Variants in ANTXR1 observed in about 807,000 individuals in gnomAD.
ANTXR1 encodes the protein ANTXR cell adhesion molecule 1, also known as anthrax toxin receptor 1.
ANTXR1 carries 19 observed loss-of-function variants against 78.1 expected under a neutral mutation model. That is an observed-to-expected ratio of 0.24 (90% CI 0.17 to 0.36). ANTXR1 has a LOEUF of 0.36. Among genes scored for constraint, ANTXR1 ranks in the 10% least tolerant of loss-of-function variants. The probability of loss-of-function intolerance (pLI) is 1.00; values close to 1 mark genes in which losing one functional copy is unlikely to be tolerated. For synonymous variants in ANTXR1, 273 were observed against 260.5 expected (o/e 1.05, Z -0.46); for missense variants, 518 against 718.6 (o/e 0.72, Z 3.19).
intron 3 of ANTXR1, among the ~76,000 whole-genome samples, chr2:69,069,303 T>C (rs558562443): frequency 9.0e-4 from 137 of 152,320 alleles, no homozygotes; most frequent in African/African-American, 3.0e-3. Context: ...AAATCCCACC[T>C]CTGTCTTAGG....
At chr2:69,134,135 G>A (rs1056740390) in intron 12 of ANTXR1, among the ~76,000 whole-genome samples, 6 of 152,132 alleles carry the variant, frequency 3.9e-5, no homozygotes, top group African/African-American at 1.4e-4. Flanking sequence ...TCTCAACTTG[G>A]TGAAGTTAAA....
chr2:69,095,768 T>C (rs912734154), intron 9 of ANTXR1, among the ~76,000 whole-genome samples: 1 of 152,218 alleles, frequency 6.6e-6, no homozygotes, highest in African/African-American at 2.4e-5. Context: ...AAGCAGATGC[T>C]ATCAGGAGAA....
Position 69,102,305 on chromosome 2 carries a change from C to T in ANTXR1, c.704-537C>T, listed in dbSNP as rs375110771. 1.6e-4 allele frequency among the ~76,000 whole-genome samples: 25 copies of T among 152,370 alleles called. No homozygotes were observed. The East Asian group carries it at 4.4e-3, about 27-fold the overall frequency. Reference sequence around the variant, plus strand: ...GAAAAGACAAGAGAACACCACCAGACCATACATAATGACAGTCCTACATTG... The same window carrying T: ...GAAAAGACAAGAGAACACCACCAGATCATACATAATGACAGTCCTACATTG... On this transcript the variant is annotated intron_variant, in intron 9 of 17. Transcript: ENST00000303714.
chr2:69,015,920 A>G (rs1464223881), intron 1 of ANTXR1, among the ~76,000 whole-genome samples: 3 of 152,118 alleles, frequency 2.0e-5, no homozygotes, highest in African/African-American at 7.2e-5. Context: ...AGAAAAAAAT[A>G]TGAGTCAATA....
At chr2:69,066,024 A>G (rs1041135248) in intron 3 of ANTXR1, among the ~76,000 whole-genome samples, 1 of 152,254 alleles carries the variant, frequency 6.6e-6, no homozygotes, top group Non-Finnish European at 1.5e-5. Flanking sequence ...CTAGATCCAC[A>G]AAAACAAATT....
intron 17 of ANTXR1, among the ~76,000 whole-genome samples, chr2:69,206,172 C>T (rs963469558): frequency 3.3e-5 from 5 of 152,198 alleles, no homozygotes; most frequent in Non-Finnish European, 5.9e-5. Flanking sequence ...AATTTGGTTG[C>T]TTCACTGAAT....
intron 1 of ANTXR1, among the ~76,000 whole-genome samples, chr2:69,027,765 A>G (rs1205744183): frequency 6.6e-6 from 1 of 152,034 alleles, no homozygotes; most frequent in African/African-American, 2.4e-5. Flanking sequence ...GATTAAACAA[A>G]ATTCCTGAGG....
At chr2:69,148,548 T>G (rs1226523936) in intron 12 of ANTXR1, among the ~76,000 whole-genome samples, 1 of 152,162 alleles carries the variant, frequency 6.6e-6, no homozygotes, top group Non-Finnish European at 1.5e-5. Flanking sequence ...GTATTTTTAG[T>G]GAGATGAGAA....
intron 12 of ANTXR1, among the ~76,000 whole-genome samples, chr2:69,144,422 C>T (rs975172135): frequency 8.5e-5 from 13 of 152,192 alleles, no homozygotes; most frequent in Non-Finnish European, 1.5e-4. Context: ...GAGCTGCCCC[C>T]GCTAAAGGTC....
Position 69,114,421 on chromosome 2 carries a change from A to C in ANTXR1, c.803-8596A>C, listed in dbSNP as rs74718039. ...ACTTGGGGTGTGTAGCCCAACAGAC[A>C]ATCCAGATATCTGCAGGGCTGCTAG... On this transcript the variant is annotated intron_variant, in intron 10 of 17. Coordinates refer to ENST00000303714, the MANE Select transcript of ANTXR1 (RefSeq NM_032208.3). Among the ~76,000 whole-genome samples the C allele has an allele frequency of 3.3e-5, 5 of 152,300 alleles. No homozygotes were observed. The East Asian group carries it at 9.6e-4, about 29-fold the overall frequency.
chr2:69,223,121 C>T (rs1254259642), intron 17 of ANTXR1, among the ~76,000 whole-genome samples: 1 of 152,174 alleles, frequency 6.6e-6, no homozygotes, highest in East Asian at 1.9e-4. Flanking sequence ...CCTCAAGTCA[C>T]CTCTACTCAG....
At chr2:69,119,375 G>C (rs537554221) in intron 10 of ANTXR1, among the ~76,000 whole-genome samples, 2 of 152,346 alleles carry the variant, frequency 1.3e-5, no homozygotes, top group African/African-American at 4.8e-5. Flanking sequence ...GGCTCTGTGG[G>C]CTGGCTATGT....
At chr2:69,198,756 G>A (rs74962513) in intron 17 of ANTXR1, among the ~76,000 whole-genome samples, 4 of 151,874 alleles carry the variant, frequency 2.6e-5, no homozygotes, top group South Asian at 2.1e-4. Context: ...CCACCCCCTC[G>A]GTCTGTTTTT....
intron 10 of ANTXR1, among the ~76,000 whole-genome samples, chr2:69,122,718 A>G (rs1433249343): frequency 6.6e-6 from 1 of 152,086 alleles, no homozygotes; most frequent in Non-Finnish European, 1.5e-5. Context: ...TACATTAGGT[A>G]TATCTCCTAA....
At chr2:69,244,851 C>G (rs1277357596) in intron 17 of ANTXR1, among the ~76,000 whole-genome samples, 1 of 152,176 alleles carries the variant, frequency 6.6e-6, no homozygotes, top group Non-Finnish European at 1.5e-5. Flanking sequence ...GAAAAAGTAA[C>G]TCCGCTTTTC....
intron 3 of ANTXR1, among the ~76,000 whole-genome samples, chr2:69,053,867 A>G (rs901848755): frequency 2.6e-5 from 4 of 152,146 alleles, no homozygotes; most frequent in Middle Eastern, 3.2e-3. Context: ...CACAAAATTA[A>G]AAAGTTTTAA....
At chr2:69,218,954 G>A (rs1233026333) in intron 17 of ANTXR1, among the ~76,000 whole-genome samples, 1 of 152,110 alleles carries the variant, frequency 6.6e-6, no homozygotes, top group Non-Finnish European at 1.5e-5. Flanking sequence ...AACAAACCAG[G>A]AGCCTTAATA....
intron 17 of ANTXR1, among the ~76,000 whole-genome samples, chr2:69,203,202 G>A (rs1176660972): frequency 1.3e-5 from 2 of 152,112 alleles, no homozygotes; most frequent in African/African-American, 2.4e-5. Context: ...ATAAATTTTT[G>A]TAAGAAACGG....
intron 13 of ANTXR1, among the ~76,000 whole-genome samples, chr2:69,166,675 G>A (rs1254092593): frequency 2.0e-5 from 3 of 152,046 alleles, no homozygotes; most frequent in East Asian, 1.9e-4. Flanking sequence ...TTTTATTAAC[G>A]ACCCTTCAAC....
Sources: allele counts gnomAD v4.1 joint callset (sites outside exome capture counted in the v4.1 genomes callset), GRCh38; gene constraint gnomAD v4.1.1; transcripts MANE v1.5; gene names NCBI Gene and HGNC (gene_info 2026-07-23, HGNC 2026-07-21).